The following SYT9 variants were observed in gnomAD, a reference collection of about 807,000 sequenced individuals.
The protein encoded by SYT9 is synaptotagmin-9.
A neutral mutation model predicts 48.4 loss-of-function variants in SYT9; 22 were observed. That is an observed-to-expected ratio of 0.45 (90% CI 0.32 to 0.65). The LOEUF (loss-of-function observed/expected upper bound fraction) is 0.65, where lower values mean the gene tolerates loss of function less well. SYT9 is among the 30% of genes least tolerant of loss of function. SYT9 has a pLI of 0.03. For missense variants in SYT9, 577 were observed against 622.0 expected, an observed-to-expected ratio of 0.93 and a Z score of 0.77; for synonymous variants, 265 against 245.0, an observed-to-expected ratio of 1.08 and a Z score of -0.76.
intron 3 of SYT9, among the ~76,000 whole-genome samples, chr11:7,384,091 CA>C (rs1347014645): frequency 2.9e-4 from 44 of 151,042 alleles, no homozygotes; most frequent in Middle Eastern, 3.4e-3. Context: ...CACACACACA[CA>C]CCCTCACACC....
intron 3 of SYT9, among the ~76,000 whole-genome samples, chr11:7,387,484 A>T (rs914068670): frequency 2.6e-5 from 4 of 152,172 alleles, no homozygotes; most frequent in African/African-American, 9.7e-5. Flanking sequence ...AGTTGTCGGA[A>T]TTTATTTTGC....
At chr11:7,367,105 G>T (rs1191441882) in intron 3 of SYT9, among the ~76,000 whole-genome samples, 3 of 78,366 alleles carry the variant, frequency 3.8e-5, no homozygotes, top group African/African-American at 1.1e-4. Context: ...TTTTCGAGAC[G>T]GAGCCTCGCT....
At chr11:7,265,585 T>A (rs1264128387) in intron 1 of SYT9, among the ~76,000 whole-genome samples, 1 of 151,996 alleles carries the variant, frequency 6.6e-6, no homozygotes, top group Non-Finnish European at 1.5e-5. Flanking sequence ...AAATAAATGC[T>A]CAAACTGTCT....
intron 1 of SYT9, among the ~76,000 whole-genome samples, chr11:7,274,381 G>A (rs376311156): frequency 1.9e-4 from 28 of 145,984 alleles, no homozygotes; most frequent in African/African-American, 6.9e-4. Context: ...GCAGTGGCAC[G>A]ATCTTGGCTC....
At chr11:7,347,508 T>G (rs760876788) in intron 3 of SYT9, among the ~76,000 whole-genome samples, 1 of 152,096 alleles carries the variant, frequency 6.6e-6, no homozygotes, top group Non-Finnish European at 1.5e-5. Flanking sequence ...GTGCTGGGAT[T>G]AGAGATGTGA....
At chr11:7,245,849 A>G (rs1589882941) in intron 1 of SYT9, among the ~76,000 whole-genome samples, 1 of 152,310 alleles carries the variant, frequency 6.6e-6, no homozygotes, top group East Asian at 1.9e-4. Flanking sequence ...ATTAAATTTC[A>G]ACATGTATTT....
At position 7,265,873 on chromosome 11, in the gene SYT9, C is replaced by T. The variant is rs145255701; in HGVS notation, c.145+13542C>T. 2.6e-5 allele frequency among the ~76,000 whole-genome samples: 4 copies of T among 152,130 alleles called. No individual in the cohort carries two copies. The East Asian group carries it at 5.8e-4, about 22-fold the overall frequency. On this transcript the variant is annotated intron_variant, in intron 1 of 6. Transcript: ENST00000318881. ...TTGTTCTTATTTTAGGATAACCATA[C>T]GGTACATAAACCCTGTGAAAACTCT...
chr11:7,302,410 A>G (rs1397594879), intron 1 of SYT9, among the ~76,000 whole-genome samples: 2 of 152,116 alleles, frequency 1.3e-5, no homozygotes, highest in Non-Finnish European at 1.5e-5. Flanking sequence ...GTTTTAGGGT[A>G]TGCTACTGGG....
At chr11:7,243,742 G>T (rs970830425) in intron 1 of SYT9, among the ~76,000 whole-genome samples, 2 of 152,150 alleles carry the variant, frequency 1.3e-5, no homozygotes, top group Non-Finnish European at 1.5e-5. Context: ...AAAGGGGTTG[G>T]TTCATTGGAA....
At chr11:7,397,322 C>G (rs1846774329) in intron 3 of SYT9, among the ~76,000 whole-genome samples, 1 of 152,100 alleles carries the variant, frequency 6.6e-6, no homozygotes, top group Non-Finnish European at 1.5e-5. Context: ...TAATGAGGGT[C>G]TGTTGACCAT....
chr11:7,380,992 C>A (rs999962638), intron 3 of SYT9, among the ~76,000 whole-genome samples: 1 of 152,210 alleles, frequency 6.6e-6, no homozygotes, highest in Admixed American at 6.5e-5. Context: ...CCTAGTGTGC[C>A]ATACCGAAAT....
intron 6 of SYT9, among the ~76,000 whole-genome samples, chr11:7,428,497 G>C (rs7101775): frequency 0.39 from 58,632 of 152,100 alleles, 15,379 homozygotes; most frequent in African/African-American, 0.74. Context: ...TCCTGATAGT[G>C]TGGTGGGAGG....
At chr11:7,310,671 C>T (rs1849116734) in intron 2 of SYT9, among the ~76,000 whole-genome samples, 1 of 152,060 alleles carries the variant, frequency 6.6e-6, no homozygotes, top group African/African-American at 2.4e-5. Context: ...TGGTGTCGAT[C>T]TCCTGACCTC....
At chr11:7,385,659 A>T (rs1001528016) in intron 3 of SYT9, among the ~76,000 whole-genome samples, 10 of 152,100 alleles carry the variant, frequency 6.6e-5, no homozygotes, top group African/African-American at 9.7e-5. Context: ...AAAAAAGTTT[A>T]AAAAAATCAA....
At chr11:7,451,277 ACT>A (rs993604801) in intron 6 of SYT9, among the ~76,000 whole-genome samples, 4 of 152,000 alleles carry the variant, frequency 2.6e-5, no homozygotes, top group East Asian at 1.9e-4. Context: ...CTAATGGAAT[ACT>A]CTTTTTTACT....
chr11:7,432,010 G>C (rs1432768697), intron 6 of SYT9, among the ~76,000 whole-genome samples: 4 of 152,214 alleles, frequency 2.6e-5, no homozygotes, highest in African/African-American at 9.6e-5. Context: ...CAGGGGCAGT[G>C]TCTAAGGGAA....
rs146183675 is a variant in SYT9, at chr11:7,415,775, G to A, written c.1045-267G>A. Among the ~76,000 whole-genome samples, 8 of 152,252 alleles carry A rather than the reference G, an allele frequency of 5.3e-5. No individual in the cohort carries two copies. In the East Asian group the frequency reaches 9.7e-4, roughly 18 times the overall value. Reference sequence around the variant, plus strand: ...ACACATGAGTCTGTACAGGGCTGCCGGTGACTGGATACATGGTGGCAGAGG... The same window carrying A: ...ACACATGAGTCTGTACAGGGCTGCCAGTGACTGGATACATGGTGGCAGAGG... On this transcript the variant is annotated intron_variant, in intron 3 of 6. Transcript: ENST00000318881.
chr11:7,414,049 AAAAC>A (rs1290649246), intron 3 of SYT9, among the ~76,000 whole-genome samples: 2 of 152,206 alleles, frequency 1.3e-5, no homozygotes, highest in African/African-American at 2.4e-5. Context: ...ATGTCGGAGG[AAAAC>A]AAACAAACCA....
intron 1 of SYT9, among the ~76,000 whole-genome samples, chr11:7,295,564 C>T (rs780252426): frequency 1.1e-4 from 17 of 152,332 alleles, no homozygotes; most frequent in Admixed American, 5.2e-4. Context: ...TGAGCCTGCA[C>T]CAGAATTGCT....
Sources: allele counts gnomAD v4.1 joint callset (sites outside exome capture counted in the v4.1 genomes callset), GRCh38; gene constraint gnomAD v4.1.1; transcripts MANE v1.5; gene names NCBI Gene and HGNC (gene_info 2026-07-23, HGNC 2026-07-21).